The following MMP1 variants were observed in gnomAD, a reference collection of about 807,000 sequenced individuals.
The protein encoded by MMP1 is interstitial collagenase.
In MMP1, 51 loss-of-function variants were observed where a neutral mutation model predicts 49.6. The ratio of observed to expected loss-of-function variants is 1.03; its 90% CI spans 0.82 to 1.30. MMP1 has a LOEUF of 1.30. Among genes scored for constraint, MMP1 ranks in the 50% most tolerant of loss-of-function variants. The probability of loss-of-function intolerance (pLI) is 0.00; values close to 1 mark genes in which losing one functional copy is unlikely to be tolerated. For synonymous variants in MMP1, 230 were observed against 196.8 expected (o/e 1.17, Z -1.41); for missense variants, 623 against 568.7 (o/e 1.10, Z -0.97).
intron 4 of MMP1, among the ~76,000 whole-genome samples, chr11:102,795,876 T>C (rs1858174077): frequency 6.6e-6 from 1 of 152,208 alleles, no homozygotes; most frequent in Non-Finnish European, 1.5e-5. Context: ...GATTAATCAA[T>C]ATTATCAATG....
Position 102,790,537 on chromosome 11 carries a change from A to C in MMP1, c.1301-16T>G, listed in dbSNP as rs373305337. 1 of 1,505,672 alleles carries C rather than the reference A, an allele frequency of 6.6e-7. No homozygotes were observed. The highest frequency in any genetic ancestry group is 9.2e-7 in the Non-Finnish European group (1 of 1,091,684). The allele number at this position is 1,505,672 out of a possible 1,614,324, so 93.3% of individuals were successfully genotyped here. On this transcript the variant is annotated splice_polypyrimidine_tract_variant and intron_variant, in intron 9 of 9. Transcript: ENST00000315274. ...TAGAAAAATCCTAGAAACAAAACAA[A>C]AGAGACTTACTACATTATACAAGTA...
At chr11:102,791,581 A>G (rs774739895) in intron 7 of MMP1, 86 bp from the exon 8 acceptor site, 1 of 1,431,474 alleles carries the variant, frequency 7.0e-7, no homozygotes, top group Non-Finnish European at 9.7e-7. Context: ...TTAGTTTCAC[A>G]TGCTAGTGCA....
At chr11:102,791,280 A>C in intron 8 of MMP1, 53 bp downstream of exon 8, 1 of 1,601,730 alleles carries the variant, frequency 6.2e-7, no homozygotes, top group Non-Finnish European at 8.5e-7. Flanking sequence ...CTATTCTAGA[A>C]CTTTTTATGT....
Position 102,792,694 on chromosome 11 carries a change from T to C in MMP1, c.944A>G (p.Asn315Ser). The change falls in exon 7 of 10, where the codon AAT (asparagine) becomes AGT (serine). Residue 315 changes from asparagine to serine, a missense_variant. Transcript: ENST00000315274. Reference sequence around the variant, plus strand: ...TTGTGGCCAGAAAACAGAAATGAAATTGAGCTCAACTTCCGGGTAGAAGGG... The same window carrying C: ...TTGTGGCCAGAAAACAGAAATGAAACTGAGCTCAACTTCCGGGTAGAAGGG... ...TNPFYPEVELNFISVFWPQLP... is the reference protein window; with the variant it reads ...TNPFYPEVELSFISVFWPQLP... 1 of 1,613,874 alleles carries C rather than the reference T, an allele frequency of 6.2e-7. No individual in the cohort carries two copies. Among genetic ancestry groups the C allele is most frequent in the South Asian group, 1.1e-5 (1 of 91,044 alleles).
chr11:102,795,124 A>G (rs1450120949), intron 6 of MMP1, 50 bp downstream of exon 6: 12 of 1,326,268 alleles, frequency 9.0e-6, no homozygotes, highest in South Asian at 1.2e-5. Flanking sequence ...ATAGTGGTGA[A>G]TGTTGTTATT....
Position 102,790,258 on chromosome 11 carries a change from T to C in MMP1, c.*154A>G. The C allele has an allele frequency of 3.9e-6, 2 of 517,888 alleles. No homozygotes were observed. Among genetic ancestry groups the C allele is most frequent in the Non-Finnish European group, 6.8e-6 (2 of 292,084 alleles). 32.1% of individuals were successfully genotyped at this position (517,888 alleles called of 1,614,324 possible). A position where few individuals can be genotyped will look rare whatever the true frequency, so the allele number is the denominator to read the frequency against. On this transcript the variant is annotated 3_prime_UTR_variant, in exon 10 of 10. Transcript: ENST00000315274. ...AGTACAAAAAGGGCTACATTCTAAA[T>C]AGTAAAAAAATATGCAAACTGAGGT... is the stretch of plus-strand genomic sequence containing the variant.
rs5854 is a variant in MMP1, at chr11:102,790,143, G to A, written c.*269C>T. The A allele has an allele frequency of 0.3, 75,885 of 248,880 alleles. 12,539 individuals carry two copies. Among genetic ancestry groups the A allele is most frequent in the Non-Finnish European group, 0.36 (47,017 of 130,718 alleles). 15.4% of individuals were successfully genotyped at this position (248,880 alleles called of 1,614,324 possible). ...GATCAACGTCAGAGTTGCATACTCT[G>A]GAAAAGATCTTTGCAACTCTGGCCT... On this transcript the variant is annotated 3_prime_UTR_variant, in exon 10 of 10. Transcript: ENST00000315274.
chr11:102,797,102 G>A lies in MMP1; in HGVS notation c.411C>T (p.Ala137=), dbSNP rs1475324217. 1 of 1,614,096 alleles carries A rather than the reference G, an allele frequency of 6.2e-7. No individual in the cohort carries two copies. Among genetic ancestry groups the A allele is most frequent in the African/African-American group, 1.3e-5 (1 of 74,938 alleles). ...GTGTGACATTACTCCAGAGTTGGAA[G>A]GCTTTCTCAATGGCATGGTCCACAT... is the stretch of plus-strand genomic sequence containing the variant. ...RADVDHAIEK[A]FQLWSNVTPL... is the part of the protein sequence containing the mutation. Residue 137 remains alanine, a synonymous_variant, in exon 3 of 10, where the codon GCC becomes GCT. Transcript: ENST00000315274.
At chr11:102,793,917 C>T (rs1858104442) in intron 6 of MMP1, among the ~76,000 whole-genome samples, 3 of 152,332 alleles carry the variant, frequency 2.0e-5, no homozygotes, top group Middle Eastern at 3.4e-3. Context: ...TCCAGTCCTT[C>T]CTCTGCCTGG....
At position 102,795,324 on chromosome 11, in the gene MMP1, G is replaced by T. The variant is rs374616610; in HGVS notation, c.782-33C>A. ...AAATAAAATACCTAGAGTTAGTTTT[G>T]CCTAGTATTAGAAAACTACATAAAC... On this transcript the variant is annotated intron_variant, in intron 5 of 9. Transcript: ENST00000315274. 6 of 1,607,108 alleles carry T rather than the reference G, an allele frequency of 3.7e-6. No homozygotes were observed. The African/African-American group carries it at 5.4e-5, about 14-fold the overall frequency.
chr11:102,791,673 G>A (rs766638868), intron 7 of MMP1, among the ~76,000 whole-genome samples, 178 bp from the exon 8 acceptor site: 1 of 152,188 alleles, frequency 6.6e-6, no homozygotes, highest in African/African-American at 2.4e-5. Flanking sequence ...CCAATTAAAT[G>A]TGTCTATCTT....
chr11:102,797,492 C>CA lies in MMP1; in HGVS notation c.113dup (p.Glu39GlyfsTer9), dbSNP rs755320272. The CA allele has an allele frequency of 1.9e-6, 3 of 1,613,688 alleles. No homozygotes were observed. Among genetic ancestry groups the CA allele is most frequent in the Non-Finnish European group, 2.5e-6 (3 of 1,179,744 alleles). ...CATTCTTCAGGTTGTAGTATTTTTC[C>CA]AGGTATTTCTGACAAAAGAAAATTA... On this transcript the variant is annotated frameshift_variant, in exon 2 of 10. Coordinates refer to ENST00000315274, the MANE Select transcript of MMP1 (RefSeq NM_002421.4). LOFTEE classifies it high-confidence loss of function.
chr11:102,792,892 G>T (rs1237221295), intron 6 of MMP1, among the ~76,000 whole-genome samples, 154 bp from the exon 7 acceptor site: 1 of 152,116 alleles, frequency 6.6e-6, no homozygotes, highest in Non-Finnish European at 1.5e-5. Flanking sequence ...TATAGCATTT[G>T]CTGATTTCAC....
In MMP1 at chr11:102,790,469, C is replaced by T. The variant is rs1044372464; in HGVS notation, c.1353G>A (p.Thr451=). ...CTTTCTGGAGAGTCAAAATTCTCTT[C>T]GTTTTAGGATCAAATTTGTATTGTC... The part of the protein sequence containing the change: ...GTRQYKFDPK[T]KRILTLQKAN... Residue 451 remains threonine, a synonymous_variant, in exon 10 of 10, where the codon ACG becomes ACA. Coordinates refer to ENST00000315274, the MANE Select transcript of MMP1 (RefSeq NM_002421.4). The T allele has an allele frequency of 2.0e-5, 33 of 1,610,824 alleles. No individual in the cohort carries two copies. Among genetic ancestry groups the T allele is most frequent in the African/African-American group, 2.7e-5 (2 of 74,782 alleles).
intron 1 of MMP1, 52 bp downstream of exon 1, chr11:102,797,936 A>G (rs1376311431): frequency 1.4e-6 from 2 of 1,403,608 alleles, no homozygotes; most frequent in Non-Finnish European, 2.0e-6. Context: ...ATTACTGCAG[A>G]AAAATACAAA....
chr11:102,796,777 T>C lies in MMP1; in HGVS notation c.512A>G (p.Asn171Ser), dbSNP rs781072366. The C allele has an allele frequency of 9.3e-6, 15 of 1,613,184 alleles. No homozygotes were observed. The Middle Eastern group carries it at 8.3e-4, about 89-fold the overall frequency. The stretch of plus-strand genomic sequence containing the variant: ...TCCTCCAGGTCCATCAAAAGGAGAG[T>C]TGTCCCGATGATCTGAAAGAAACAA... ...ISFVRGDHRD[N>S]SPFDGPGGNL... is the part of the protein sequence containing the mutation. The change falls in exon 4 of 10, where the codon AAC becomes AGC. Residue 171 changes from asparagine (N) to serine (S), a missense_variant. Transcript: ENST00000315274.
chr11:102,791,291 A>G lies in MMP1; in HGVS notation c.1196+42T>C, dbSNP rs760385586. The G allele has an allele frequency of 1.6e-5, 25 of 1,608,868 alleles. No individual in the cohort carries two copies. In the Admixed American group the frequency reaches 3.9e-4, roughly 25 times the overall value. On this transcript the variant is annotated intron_variant, in intron 8 of 9. Coordinates refer to ENST00000315274, the MANE Select transcript of MMP1 (RefSeq NM_002421.4). ...TGGGCTATTCTAGAACTTTTTATGT[A>G]GAAAGAACTGAGGCCCTAACATTCT...
chr11:102,792,525 G>A (rs766471946), intron 7 of MMP1, 80 bp downstream of exon 7: 2 of 1,374,900 alleles, frequency 1.5e-6, no homozygotes, highest in South Asian at 1.3e-5. Flanking sequence ...AGAGAATGTA[G>A]CTAGTAACCT....
intron 4 of MMP1, 69 bp from the exon 5 acceptor site, chr11:102,795,676 A>C: frequency 1.6e-6 from 2 of 1,289,416 alleles, no homozygotes; most frequent in Non-Finnish European, 2.1e-6. Context: ...TTAACTAATA[A>C]ATAATTTACA....
Sources: allele counts gnomAD v4.1 joint callset (sites outside exome capture counted in the v4.1 genomes callset), GRCh38; gene constraint gnomAD v4.1.1; transcripts MANE v1.5; gene names NCBI Gene and HGNC (gene_info 2026-07-23, HGNC 2026-07-21).